CTNNA2: variants seen among roughly 807,000 people sequenced by gnomAD.
CTNNA2 encodes catenin alpha 2, also known as catenin alpha-2.
A neutral mutation model predicts 101.0 loss-of-function variants in CTNNA2; 42 were observed. The observed-to-expected ratio is 0.42, with a 90% confidence interval of 0.32 to 0.54. The LOEUF (loss-of-function observed/expected upper bound fraction) is 0.54, where lower values mean the gene tolerates loss of function less well. Ranked by LOEUF, CTNNA2 falls within the 20% of genes least tolerant of loss-of-function variation. The pLI, the probability that CTNNA2 is intolerant of heterozygous loss-of-function variation, is 0.14. For synonymous variants in CTNNA2, 450 were observed against 456.4 expected, an observed-to-expected ratio of 0.99 and a Z score of 0.18; for missense variants, 871 against 1,223.1, an observed-to-expected ratio of 0.71 and a Z score of 4.29.
intron 9 of CTNNA2, among the ~76,000 whole-genome samples, chr2:80,501,802 C>T (rs1687903413): frequency 6.6e-6 from 1 of 152,142 alleles, no homozygotes; most frequent in Non-Finnish European, 1.5e-5. Flanking sequence ...TACAAGAGAC[C>T]ATCCATCCTT....
At chr2:80,376,936 T>A (rs931856539) in intron 7 of CTNNA2, among the ~76,000 whole-genome samples, 1 of 152,194 alleles carries the variant, frequency 6.6e-6, no homozygotes, top group African/African-American at 2.4e-5. Flanking sequence ...CTGATTTCAT[T>A]ACCCATGCAG....
intron 9 of CTNNA2, among the ~76,000 whole-genome samples, chr2:80,480,948 G>T (rs768057222): frequency 5.8e-4 from 88 of 152,140 alleles, no homozygotes; most frequent in Non-Finnish European, 4.6e-4. Flanking sequence ...CGTTCAGGTG[G>T]GTGAACAGGT....
At chr2:80,285,333 C>T (rs761307171) in intron 7 of CTNNA2, among the ~76,000 whole-genome samples, 3 of 152,150 alleles carry the variant, frequency 2.0e-5, no homozygotes, top group Non-Finnish European at 2.9e-5. Context: ...GCAGCAGTGG[C>T]AGCAAGAAGC....
In CTNNA2 at chr2:80,555,854, G is replaced by A. The variant is rs1001392293; in HGVS notation, c.1702G>A (p.Glu568Lys). 6.3e-7 allele frequency: 1 copy of A among 1,581,148 alleles called. No homozygotes were observed. Among genetic ancestry groups the A allele is most frequent in the South Asian group, 1.2e-5 (1 of 83,912 alleles). ...GAACTATGAAGCTGGGGTTTATACT[G>A]AGAAGGTGTTGGAAGCTACAAAATT... ...MENYEAGVYT[E>K]KVLEATKLLS... is the part of the protein sequence containing the mutation. The change falls in exon 12 of 19, where the codon GAG becomes AAG. Residue 568 changes from glutamate to lysine, a missense_variant. Glu to Lys is a moderately conservative substitution (Grantham distance 56, BLOSUM62 1). Around this residue, in one of 5 missense-constraint regions of CTNNA2, gnomAD observed 647 missense variants for 831.5 expected, o/e 0.78. Coordinates refer to ENST00000402739, the MANE Select transcript of CTNNA2 (RefSeq NM_001282597.3).
chr2:79,413,554 A>G (rs1678441704), intron 4 of CTNNA2, among the ~76,000 whole-genome samples: 1 of 152,024 alleles, frequency 6.6e-6, no homozygotes, highest in Non-Finnish European at 1.5e-5. Flanking sequence ...TGACATATTC[A>G]TTTCATTTCT....
rs562479779 is a variant in CTNNA2, at chr2:79,480,990, G to GT, written c.-134-24056dup. ...CCTCCAAATTAATGTCCTTAGTAGGGTTTTTTTTAAATGGGCCCAAGGAAG... is the reference window on the plus strand; with the variant it reads ...CCTCCAAATTAATGTCCTTAGTAGGGTTTTTTTTTAAATGGGCCCAAGGAAG... On this transcript the variant is annotated intron_variant, in intron 4 of 21. Transcript: ENST00000466387. Among the ~76,000 whole-genome samples the GT allele has an allele frequency of 8.3e-3, 1,255 of 150,994 alleles. 16 individuals are homozygous for GT. The highest frequency in any genetic ancestry group is 0.029 in the African/African-American group (1,193 of 41,146).
At chr2:79,236,192 G>A (rs1674555623) in intron 2 of CTNNA2, among the ~76,000 whole-genome samples, 1 of 152,158 alleles carries the variant, frequency 6.6e-6, no homozygotes, top group Non-Finnish European at 1.5e-5. Context: ...GGGTATAATG[G>A]TGCAATCATA....
chr2:80,169,700 C>T (rs1034948796), intron 7 of CTNNA2, among the ~76,000 whole-genome samples: 3 of 152,174 alleles, frequency 2.0e-5, no homozygotes, highest in Non-Finnish European at 2.9e-5. Flanking sequence ...ACTGAGATTT[C>T]ACCTCTGGAT....
chr2:79,372,121 G>A (rs1223517012), intron 3 of CTNNA2, among the ~76,000 whole-genome samples: 1 of 152,072 alleles, frequency 6.6e-6, no homozygotes, highest in Non-Finnish European at 1.5e-5. Context: ...CTGAGGTGAG[G>A]CCTCAGCAGT....
At chr2:80,481,853 A>G (rs1396225182) in intron 9 of CTNNA2, among the ~76,000 whole-genome samples, 2 of 152,142 alleles carry the variant, frequency 1.3e-5, no homozygotes, top group Non-Finnish European at 2.9e-5. Flanking sequence ...AAATGATACT[A>G]TAAAGGACTT....
chr2:79,635,342 G>T (rs1396701338), intron 1 of CTNNA2, among the ~76,000 whole-genome samples: 1 of 151,916 alleles, frequency 6.6e-6, no homozygotes, highest in African/African-American at 2.4e-5. Context: ...TGAGGCAGGA[G>T]AATGGCGTGA....
chr2:80,150,528 A>C (rs1703632575), intron 7 of CTNNA2, among the ~76,000 whole-genome samples: 1 of 152,192 alleles, frequency 6.6e-6, no homozygotes, highest in South Asian at 2.1e-4. Flanking sequence ...TGCATTCTTT[A>C]GGGGATGTAA....
rs942022840 is a variant in CTNNA2, at chr2:80,604,303, T to C, written c.2295+124T>C. 16 of 725,304 alleles carry C rather than the reference T, an allele frequency of 2.2e-5. No individual in the cohort carries two copies. In the African/African-American group the frequency reaches 2.3e-4, roughly 10 times the overall value. The allele number at this position is 725,304 out of a possible 1,614,324, so 44.9% of individuals were successfully genotyped here. A position where few individuals can be genotyped will look rare whatever the true frequency, so the allele number is the denominator to read the frequency against. On this transcript the variant is annotated intron_variant, in intron 16 of 18. Transcript: ENST00000402739. Reference sequence around the variant, plus strand: ...AGAATGAATCAGAGGGGAGAATCACTGATATTTTACACACTGGTATCTGCC... The same window carrying C: ...AGAATGAATCAGAGGGGAGAATCACCGATATTTTACACACTGGTATCTGCC...
At chr2:79,833,153 A>G (rs1266915780) in intron 3 of CTNNA2, among the ~76,000 whole-genome samples, 1 of 152,202 alleles carries the variant, frequency 6.6e-6, no homozygotes, top group Non-Finnish European at 1.5e-5. Context: ...CAATATTCCA[A>G]TTCGTTGGGG....
chr2:79,641,107 A>G (rs530524663), intron 1 of CTNNA2, among the ~76,000 whole-genome samples: 2 of 152,294 alleles, frequency 1.3e-5, no homozygotes, highest in East Asian at 1.9e-4. Context: ...ATAAGATCCA[A>G]TAGAGCAGGG....
At chr2:79,454,232 A>G (rs1670789297) in intron 4 of CTNNA2, among the ~76,000 whole-genome samples, 2 of 152,014 alleles carry the variant, frequency 1.3e-5, no homozygotes, top group Non-Finnish European at 2.9e-5. Context: ...TTTTATTTGT[A>G]TATTTTACCC....
chr2:80,489,426 G>C (rs1686858515), intron 9 of CTNNA2, among the ~76,000 whole-genome samples: 1 of 152,010 alleles, frequency 6.6e-6, no homozygotes, highest in Admixed American at 6.6e-5. Flanking sequence ...AAAAACACAA[G>C]CTACCTTATA....
intron 7 of CTNNA2, among the ~76,000 whole-genome samples, chr2:79,999,026 T>G (rs894679126): frequency 1.3e-5 from 2 of 152,170 alleles, no homozygotes; most frequent in Non-Finnish European, 2.9e-5. Context: ...GATGTGTTGT[T>G]TCTAGCTTTC....
chr2:80,316,821 C>G (rs115667103), intron 7 of CTNNA2, among the ~76,000 whole-genome samples: 1,602 of 152,212 alleles, frequency 0.011, 39 homozygotes, highest in African/African-American at 0.036. Flanking sequence ...CATATGCAGG[C>G]ATATTCTAGG....
Sources: allele counts gnomAD v4.1 joint callset (sites outside exome capture counted in the v4.1 genomes callset), GRCh38; gene constraint gnomAD v4.1.1; regional missense constraint gnomAD v4.1.1; transcripts MANE v1.5; gene names NCBI Gene and HGNC (gene_info 2026-07-23, HGNC 2026-07-21).